The following UBE2F variants were observed in gnomAD, a reference collection of about 807,000 sequenced individuals.
UBE2F encodes ubiquitin conjugating enzyme E2 F (putative), also known as NEDD8-conjugating enzyme UBE2F.
A neutral mutation model predicts 29.6 loss-of-function variants in UBE2F; 5 were observed. That is an observed-to-expected ratio of 0.17 (90% confidence interval 0.09 to 0.36). UBE2F has a LOEUF of 0.36. Ranked by LOEUF, UBE2F falls within the 10% of genes least tolerant of loss-of-function variation. The pLI, the probability that UBE2F is intolerant of heterozygous loss-of-function variation, is 1.00. For missense variants in UBE2F, 141 were observed against 228.5 expected (o/e 0.62, Z 2.47); for synonymous variants, 66 against 81.8 (o/e 0.81, Z 1.04).
intron 3 of UBE2F, chr2:237,990,527 T>C (rs1328844866): frequency 1.1e-5 from 4 of 348,792 alleles, no homozygotes; most frequent in African/African-American, 4.5e-5. Flanking sequence ...CTCAGTCTCC[T>C]GAGCAGCTGA....
rs767065727 is a variant in UBE2F, at chr2:238,041,324, C to T, written c.544C>T (p.Arg182Cys). The change falls in exon 10 of 10, where the codon CGT becomes TGT. Residue 182 changes from arginine (R) to cysteine (C), a missense_variant. Transcript: ENST00000272930. ...GAATAAAGTGGATGACTACATCAAA[C>T]GTTATGCCAGATGATAAAAGGGGAC... is the stretch of plus-strand genomic sequence containing the variant. ...FRNKVDDYIK[R>C]YAR is the part of the protein sequence containing the mutation. The T allele has an allele frequency of 4.3e-5, 70 of 1,613,834 alleles. No homozygotes were observed. The highest frequency in any genetic ancestry group is 5.2e-5 in the Non-Finnish European group (61 of 1,179,842).
intron 4 of UBE2F, among the ~76,000 whole-genome samples, chr2:238,003,191 G>T (rs1182212548): frequency 6.8e-6 from 1 of 147,150 alleles, no homozygotes; most frequent in African/African-American, 2.5e-5. Flanking sequence ...AAGAAGCACA[G>T]TTTTTTTTTT....
At chr2:238,007,280 C>G (rs2063928184) in intron 4 of UBE2F, among the ~76,000 whole-genome samples, 1 of 151,794 alleles carries the variant, frequency 6.6e-6, no homozygotes, top group African/African-American at 2.4e-5. Flanking sequence ...CACCACCATG[C>G]CCAGCTAATT....
intron 5 of UBE2F, among the ~76,000 whole-genome samples, chr2:238,022,186 T>C (rs1254184187): frequency 6.6e-6 from 1 of 151,884 alleles, no homozygotes; most frequent in Middle Eastern, 3.4e-3. Flanking sequence ...TTTTTTTTTT[T>C]GGAGACAGAG....
In UBE2F at chr2:238,006,304, A is replaced by G. The variant is rs573570572; in HGVS notation, c.215-10262A>G. On this transcript the variant is annotated intron_variant, in intron 4 of 9. Coordinates refer to ENST00000272930, the MANE Select transcript of UBE2F (RefSeq NM_080678.3). ...CATGGCACTAAGCCATTCATAAGGG[A>G]TCTTCTCCATCACCCAGACACCTCC... 7.2e-5 allele frequency among the ~76,000 whole-genome samples: 11 copies of G among 152,336 alleles called. No homozygotes were observed. The South Asian group carries it at 2.3e-3, about 32-fold the overall frequency.
At chr2:238,011,888 CT>C (rs1188358515) in intron 4 of UBE2F, among the ~76,000 whole-genome samples, 1 of 151,590 alleles carries the variant, frequency 6.6e-6, no homozygotes, top group Non-Finnish European at 1.5e-5. Flanking sequence ...AAAGTATTTT[CT>C]TTTTTTTGAG....
intron 9 of UBE2F, among the ~76,000 whole-genome samples, chr2:238,038,249 A>G (rs2064762856): frequency 6.6e-6 from 1 of 152,192 alleles, no homozygotes; most frequent in East Asian, 1.9e-4. Flanking sequence ...GTGTGCTGCC[A>G]AGGAGGCAAG....
rs1482866106 is a variant in UBE2F, at chr2:238,042,417, CGGTGG to C, written c.*1084_*1088del. On this transcript the variant is annotated 3_prime_UTR_variant, in exon 10 of 10. Transcript: ENST00000272930. ...AGTTTGCTATGGCTCCAGGCCCTGC[CGGTGG>C]GGTGAGCCTCCTAGGCCTTGGAGGA... The C allele has an allele frequency of 1.3e-5, 2 of 152,266 alleles. No individual in the cohort carries two copies. Among genetic ancestry groups the C allele is most frequent in the African/African-American group, 4.8e-5 (2 of 41,462 alleles). 9.4% of individuals were successfully genotyped at this position (152,266 alleles called of 1,614,324 possible).
At chr2:237,997,581 T>C (rs73096359) in intron 4 of UBE2F, among the ~76,000 whole-genome samples, 1,798 of 152,350 alleles carry the variant, frequency 0.012, 45 homozygotes, top group African/African-American at 0.041. Context: ...TGAAATAAAA[T>C]GATTTTGAAA....
At chr2:237,973,715 C>T in intron 2 of UBE2F, 1 of 1,286,078 alleles carries the variant, frequency 7.8e-7, no homozygotes, top group Non-Finnish European at 1.0e-6. Context: ...ATATAGTGTT[C>T]TAGAGTTTTC....
intron 5 of UBE2F, among the ~76,000 whole-genome samples, chr2:238,023,514 A>G (rs749357175): frequency 6.6e-6 from 1 of 152,230 alleles, no homozygotes; most frequent in Non-Finnish European, 1.5e-5. Context: ...ATGAAACTAT[A>G]AAAGTTTACT....
At chr2:237,974,501 GTTTTTTTTTTTTTGTTTT>G (rs1209859740) in intron 2 of UBE2F, among the ~76,000 whole-genome samples, 1 of 108,582 alleles carries the variant, frequency 9.2e-6, no homozygotes, top group Non-Finnish European at 1.7e-5. Context: ...AATTTTTGTG[GTTTTTTTTTTTTTGTTTT>G]TTTTTTTTTT....
At chr2:237,984,940 T>G (rs1241920872) in intron 2 of UBE2F, among the ~76,000 whole-genome samples, 2 of 150,634 alleles carry the variant, frequency 1.3e-5, no homozygotes, top group Non-Finnish European at 2.9e-5. Context: ...CCACCACGCC[T>G]GACTCTTTTT....
At chr2:237,985,892 T>C (rs921266801) in intron 2 of UBE2F, among the ~76,000 whole-genome samples, 1 of 152,202 alleles carries the variant, frequency 6.6e-6, no homozygotes, top group African/African-American at 2.4e-5. Flanking sequence ...TTCTAACAGG[T>C]GTGAGGTGAT....
At chr2:238,014,600 G>A (rs2064113731) in intron 4 of UBE2F, among the ~76,000 whole-genome samples, 1 of 152,202 alleles carries the variant, frequency 6.6e-6, no homozygotes, top group African/African-American at 2.4e-5. Flanking sequence ...GCCACGACCA[G>A]GGTGTCTCGC....
intron 4 of UBE2F, among the ~76,000 whole-genome samples, chr2:238,009,612 A>G (rs10200393): frequency 0.046 from 6,967 of 152,270 alleles, 559 homozygotes; most frequent in African/African-American, 0.16. Context: ...AAGTCTCAGC[A>G]TCTCTATACA....
At position 238,040,045 on chromosome 2, in the gene UBE2F, T is replaced by C. The variant is rs2064805770; in HGVS notation, c.508-1243T>C. Reference sequence around the variant, plus strand: ...GTGGGAGGCTCCAAACGCCATCCTGTAGACAAATAGGGCGGTTGGCAGGGC... The same window carrying C: ...GTGGGAGGCTCCAAACGCCATCCTGCAGACAAATAGGGCGGTTGGCAGGGC... On this transcript the variant is annotated intron_variant, in intron 9 of 9. Transcript: ENST00000272930. This position sits in a 1 kb window ranked among gnomAD's most constrained non-coding sequence, Gnocchi z 4.4. Among the ~76,000 whole-genome samples, 1 of 152,174 alleles carries C rather than the reference T, an allele frequency of 6.6e-6. No homozygotes were observed. Among genetic ancestry groups the C allele is most frequent in the Non-Finnish European group, 1.5e-5 (1 of 68,016 alleles).
At position 238,022,175 on chromosome 2, in the gene UBE2F, C is replaced by CTTTT. The variant is rs1162304454; in HGVS notation, c.283-3159_283-3156dup. On this transcript the variant is annotated intron_variant, in intron 5 of 9. Transcript: ENST00000272930. ...ATTTCTTTTTCTTTTCTTTTCTTTT[C>CTTTT]TTTTTTTTTTTGGAGACAGAGTCTT... Among the ~76,000 whole-genome samples the CTTTT allele has an allele frequency of 1.0e-3, 64 of 63,358 alleles. 2 individuals are homozygous for CTTTT. The highest frequency in any genetic ancestry group is 2.6e-3 in the African/African-American group (62 of 24,028). The allele number at this position is 63,358 out of a possible 152,430, so 41.6% of individuals were successfully genotyped here.
rs774476848 is a variant in UBE2F, at chr2:237,991,609, C to CTTTTTTTTTTTTTT, written c.149-3122_149-3121insTTTTTTTTTTTTTT. On this transcript the variant is annotated intron_variant, in intron 3 of 9. Coordinates refer to ENST00000272930, the MANE Select transcript of UBE2F (RefSeq NM_080678.3). ...AACCTTTCTTTTCTTTTCTTTCTTTCTTTTTTTTTTTTTGAGACAGTCTTG... is the reference window on the plus strand; with the variant it reads ...AACCTTTCTTTTCTTTTCTTTCTTTCTTTTTTTTTTTTTTTTTTTTTTTTTTTGAGACAGTCTTG... Among the ~76,000 whole-genome samples, 170 of 52,914 alleles carry CTTTTTTTTTTTTTT rather than the reference C, an allele frequency of 3.2e-3. 1 individual carries two copies. The highest frequency in any genetic ancestry group is 4.5e-3 in the African/African-American group (64 of 14,324). 34.7% of individuals were successfully genotyped at this position (52,914 alleles called of 152,430 possible).
Sources: gnomAD v4.1 joint callset for allele counts (sites outside exome capture counted in the v4.1 genomes callset) on GRCh38, gnomAD v4.1.1 for gene constraint, Gnocchi (gnomAD v3.1) non-coding constraint, MANE v1.5 for transcripts, NCBI Gene and HGNC (gene_info 2026-07-23, HGNC 2026-07-21) for gene names.